Variants in FBXL7 observed in about 807,000 individuals in gnomAD.
FBXL7 encodes the protein F-box and leucine rich repeat protein 7.
In FBXL7, 12 loss-of-function variants were observed where a neutral mutation model predicts 38.3. The ratio of observed to expected loss-of-function variants is 0.31; its 90% CI spans 0.20 to 0.51. The LOEUF (loss-of-function observed/expected upper bound fraction) is 0.51. Among genes scored for constraint, FBXL7 ranks in the 20% least tolerant of loss-of-function variants. The pLI, the probability that FBXL7 is intolerant of heterozygous loss-of-function variation, is 0.98. For missense variants in FBXL7, 567 were observed against 676.4 expected, an observed-to-expected ratio of 0.84 and a Z score of 1.79; for synonymous variants, 297 against 300.9, an observed-to-expected ratio of 0.99 and a Z score of 0.13.
intron 1 of FBXL7, chr5:15,501,537 A>G (rs1736485888): frequency 8.1e-6 from 8 of 985,576 alleles, no homozygotes; most frequent in Non-Finnish European, 9.6e-6. Flanking sequence ...GTTTGTGTCT[A>G]GTGGTCTTGG....
At chr5:15,823,452 C>G (rs1032312101) in intron 2 of FBXL7, among the ~76,000 whole-genome samples, 1 of 152,170 alleles carries the variant, frequency 6.6e-6, no homozygotes, top group Non-Finnish European at 1.5e-5. Flanking sequence ...GAAAATCAGA[C>G]TCTGTAATTT....
chr5:15,640,570 C>T (rs1304629480), intron 2 of FBXL7, among the ~76,000 whole-genome samples: 1 of 150,572 alleles, frequency 6.6e-6, no homozygotes, highest in Non-Finnish European at 1.5e-5. Flanking sequence ...GTTGCCCAGG[C>T]TGGAGTGCAG....
intron 2 of FBXL7, among the ~76,000 whole-genome samples, chr5:15,617,182 T>G (rs1327254859): frequency 6.6e-6 from 1 of 152,226 alleles, no homozygotes; most frequent in Non-Finnish European, 1.5e-5. Flanking sequence ...AGAATTACCT[T>G]TTCTGGGTTA....
Position 15,928,599 on chromosome 5 carries a change from C to G in FBXL7, c.739+98C>G. ...CACCGGAGGGTCCTCTTCTTGCAAG[C>G]CATCAGAGATGGGGGCGGGTGGTAG... On this transcript the variant is annotated intron_variant, in intron 3 of 3. Coordinates refer to ENST00000504595, the MANE Select transcript of FBXL7 (RefSeq NM_012304.5). This position sits in a 1 kb window ranked among gnomAD's most constrained non-coding sequence, Gnocchi z 4.0. 6.8e-7 allele frequency: 1 copy of G among 1,464,572 alleles called. No homozygotes were observed. Among genetic ancestry groups the G allele is most frequent in the East Asian group, 2.3e-5 (1 of 43,698 alleles). The allele number at this position is 1,464,572 out of a possible 1,614,324, so 90.7% of individuals were successfully genotyped here.
intron 1 of FBXL7, among the ~76,000 whole-genome samples, chr5:15,556,322 C>T (rs1031144903): frequency 6.6e-6 from 1 of 152,028 alleles, no homozygotes; most frequent in South Asian, 2.1e-4. Flanking sequence ...TGAGCCCAAG[C>T]AGCCAGGCAT....
chr5:15,777,583 G>A (rs891749155), intron 2 of FBXL7, among the ~76,000 whole-genome samples: 15 of 151,572 alleles, frequency 9.9e-5, no homozygotes, highest in South Asian at 2.1e-4. Context: ...TCCACATGGC[G>A]CAGTTTTGAA....
chr5:15,857,824 G>A (rs1246247165), intron 2 of FBXL7, among the ~76,000 whole-genome samples: 1 of 152,170 alleles, frequency 6.6e-6, no homozygotes, highest in Non-Finnish European at 1.5e-5. Flanking sequence ...ACTACTAGCA[G>A]ACATATGTGA....
chr5:15,562,241 A>G (rs1434437840), intron 1 of FBXL7, among the ~76,000 whole-genome samples: 1 of 152,176 alleles, frequency 6.6e-6, no homozygotes, highest in African/African-American at 2.4e-5. Context: ...AGCACAGGCA[A>G]TAAAAGGAAG....
intron 2 of FBXL7, among the ~76,000 whole-genome samples, chr5:15,922,196 A>T (rs976343199): frequency 2.6e-5 from 4 of 151,894 alleles, no homozygotes; most frequent in African/African-American, 9.7e-5. Context: ...TTCAGCCATT[A>T]AAAAGGAGGC....
At chr5:15,645,600 C>G (rs796234476) in intron 2 of FBXL7, among the ~76,000 whole-genome samples, 8 of 152,276 alleles carry the variant, frequency 5.3e-5, no homozygotes, top group African/African-American at 1.9e-4. Flanking sequence ...CTTCCTGAGG[C>G]TGAGTCACGG....
intron 2 of FBXL7, among the ~76,000 whole-genome samples, chr5:15,835,102 T>G (rs1395806753): frequency 6.6e-6 from 1 of 152,210 alleles, no homozygotes; most frequent in African/African-American, 2.4e-5. Flanking sequence ...ATTAGCTTCT[T>G]GCCAATGTAA....
chr5:15,541,344 A>G (rs1370843934), intron 1 of FBXL7, among the ~76,000 whole-genome samples: 1 of 148,312 alleles, frequency 6.7e-6, no homozygotes, highest in East Asian at 2.0e-4. Flanking sequence ...ACGTGGTTCA[A>G]AAGTCCAAAC....
intron 2 of FBXL7, among the ~76,000 whole-genome samples, chr5:15,651,807 A>G (rs1042293488): frequency 2.0e-5 from 3 of 152,340 alleles, no homozygotes; most frequent in Non-Finnish European, 4.4e-5. Flanking sequence ...GAAGTTTTGA[A>G]GCCAGGCATT....
chr5:15,868,435 G>A (rs765847621), intron 2 of FBXL7, among the ~76,000 whole-genome samples: 2 of 152,200 alleles, frequency 1.3e-5, no homozygotes, highest in Non-Finnish European at 2.9e-5. Flanking sequence ...CATTACAGCA[G>A]CAAAAGGAAA....
chr5:15,653,048 A>G (rs893566741), intron 2 of FBXL7, among the ~76,000 whole-genome samples: 8 of 152,166 alleles, frequency 5.3e-5, no homozygotes, highest in African/African-American at 1.7e-4. Flanking sequence ...CAAAAACAAA[A>G]TCCCAAACCT....
Position 15,937,568 on chromosome 5 carries a change from C to G in FBXL7, c.*382C>G, listed in dbSNP as rs1484501681. ...CACGCCCCCCCCCCAAGGCCACACC[C>G]TCCCTCCCTAGAGCAGCAGCGAGGA... On this transcript the variant is annotated 3_prime_UTR_variant, in exon 4 of 4. Coordinates refer to ENST00000504595, the MANE Select transcript of FBXL7 (RefSeq NM_012304.5). 1 of 210,550 alleles carries G rather than the reference C, an allele frequency of 4.7e-6. No homozygotes were observed. The highest frequency in any genetic ancestry group is 2.4e-5 in the African/African-American group (1 of 42,530). The allele number at this position is 210,550 out of a possible 1,614,324, so 13.0% of individuals were successfully genotyped here. A position where few individuals can be genotyped will look rare whatever the true frequency, so the allele number is the denominator to read the frequency against.
chr5:15,831,862 G>A (rs546216194), intron 2 of FBXL7, among the ~76,000 whole-genome samples: 57 of 152,206 alleles, frequency 3.7e-4, no homozygotes, highest in Non-Finnish European at 7.1e-4. Flanking sequence ...CCCAGGTTGT[G>A]ACTTGCCCCT....
intron 2 of FBXL7, among the ~76,000 whole-genome samples, chr5:15,697,749 A>C (rs1743384800): frequency 6.6e-6 from 1 of 152,142 alleles, no homozygotes; most frequent in Admixed American, 6.6e-5. Context: ...TGAAAAGCAA[A>C]ATTGTGAGAT....
At chr5:15,920,264 A>T (rs2126444104) in intron 2 of FBXL7, among the ~76,000 whole-genome samples, 1 of 152,198 alleles carries the variant, frequency 6.6e-6, no homozygotes. Flanking sequence ...CTCAAAAAAA[A>T]AAAAATTGCT....
Sources: gnomAD v4.1 joint callset for allele counts (sites outside exome capture counted in the v4.1 genomes callset) on GRCh38, gnomAD v4.1.1 for gene constraint, Gnocchi (gnomAD v3.1) non-coding constraint, MANE v1.5 for transcripts, NCBI Gene and HGNC (gene_info 2026-07-23, HGNC 2026-07-21) for gene names.